The following MINDY4 variants were observed in gnomAD, a reference collection of about 807,000 sequenced individuals.
MINDY4 encodes the protein probable ubiquitin carboxyl-terminal hydrolase MINDY-4.
A neutral mutation model predicts 87.0 loss-of-function variants in MINDY4; 68 were observed. That is an observed-to-expected ratio of 0.78 (90% confidence interval 0.64 to 0.96). The LOEUF (loss-of-function observed/expected upper bound fraction) is 0.96, where lower values mean the gene tolerates loss of function less well. Ranked by LOEUF, MINDY4 falls within the 40% of genes least tolerant of loss-of-function variation. The pLI is 0.00. For missense variants in MINDY4, 919 were observed against 928.2 expected, an observed-to-expected ratio of 0.99 and a Z score of 0.13; for synonymous variants, 379 against 363.2, an observed-to-expected ratio of 1.04 and a Z score of -0.50.
At chr7:30,811,570 A>G (rs1787998977) in intron 5 of MINDY4, among the ~76,000 whole-genome samples, 1 of 152,220 alleles carries the variant, frequency 6.6e-6, no homozygotes, top group African/African-American at 2.4e-5. Flanking sequence ...TCTGCTTCCA[A>G]AGAAAGAAGA....
intron 5 of MINDY4, among the ~76,000 whole-genome samples, chr7:30,827,329 T>C (rs1788543336): frequency 6.6e-6 from 1 of 152,102 alleles, no homozygotes; most frequent in East Asian, 1.9e-4. Context: ...ACAGACGGGA[T>C]AGGCAGGGTA....
In MINDY4 at chr7:30,771,560, A is replaced by AT. The variant is rs1323164911; in HGVS notation, c.63+4_63+5insT. ...CAGGGAGTTCCTCAGCAGAAAGGTA[A>AT]CGGCTCGCCCCCTCCAAAGCCCAGG... is the stretch of plus-strand genomic sequence containing the variant. On this transcript the variant is annotated splice_donor_region_variant and intron_variant, in intron 1 of 17. Transcript: ENST00000265299. The AT allele has an allele frequency of 6.3e-7, 1 of 1,593,164 alleles. No homozygotes were observed. Among genetic ancestry groups the AT allele is most frequent in the South Asian group, 1.1e-5 (1 of 86,992 alleles).
chr7:30,828,297 C>G (rs1221985833), intron 5 of MINDY4, among the ~76,000 whole-genome samples: 1 of 150,984 alleles, frequency 6.6e-6, no homozygotes, highest in East Asian at 2.0e-4. Flanking sequence ...AAATTCTGGG[C>G]AATGATGACA....
Position 30,892,091 on chromosome 7 carries a change from G to T in MINDY4, c.*86G>T. ...GCTGAACCCCAAGCCTCTGGGGCAG[G>T]TCTCATGTACCCCAACCTGGGTCAG... On this transcript the variant is annotated 3_prime_UTR_variant, in exon 18 of 18. Coordinates refer to ENST00000265299, the MANE Select transcript of MINDY4 (RefSeq NM_032222.3). 1 of 1,472,944 alleles carries T rather than the reference G, an allele frequency of 6.8e-7. No individual in the cohort carries two copies. Among genetic ancestry groups the T allele is most frequent in the Non-Finnish European group, 9.5e-7 (1 of 1,052,924 alleles). 91.2% of individuals were successfully genotyped at this position (1,472,944 alleles called of 1,614,324 possible).
chr7:30,777,014 CT>C lies in MINDY4; in HGVS notation c.64-1406del, dbSNP rs200146980. Reference sequence around the variant, plus strand: ...TTCTTCTTTCTTTCTTTTTCTTTTTCTTTTTTTTTTTTAGAGATAGGGTCTC... The same window carrying C: ...TTCTTCTTTCTTTCTTTTTCTTTTTCTTTTTTTTTTTAGAGATAGGGTCTC... On this transcript the variant is annotated intron_variant, in intron 1 of 17. Coordinates refer to ENST00000265299, the MANE Select transcript of MINDY4 (RefSeq NM_032222.3). 7.9e-3 allele frequency among the ~76,000 whole-genome samples: 1,022 copies of C among 128,672 alleles called. 5 individuals carry two copies. The highest frequency in any genetic ancestry group is 0.024 in the African/African-American group (776 of 32,522). 84.4% of individuals were successfully genotyped at this position (128,672 alleles called of 152,430 possible).
intron 13 of MINDY4, among the ~76,000 whole-genome samples, chr7:30,868,716 C>A (rs547352838): frequency 6.6e-6 from 1 of 152,196 alleles, no homozygotes; most frequent in East Asian, 1.9e-4. Flanking sequence ...TCTCAGGGAC[C>A]TTCTGATGGT....
intron 13 of MINDY4, among the ~76,000 whole-genome samples, chr7:30,867,461 C>G (rs2128576942): frequency 6.6e-6 from 1 of 152,260 alleles, no homozygotes; most frequent in South Asian, 2.1e-4. Context: ...TCATTCAGTT[C>G]TCACAGCAGT....
chr7:30,817,198 A>G (rs1441154660), intron 5 of MINDY4, among the ~76,000 whole-genome samples: 1 of 152,098 alleles, frequency 6.6e-6, no homozygotes, highest in Non-Finnish European at 1.5e-5. Context: ...CTGTAACACC[A>G]AAGGTCATGC....
chr7:30,807,193 A>G (rs1016195325), intron 5 of MINDY4, among the ~76,000 whole-genome samples: 1 of 152,152 alleles, frequency 6.6e-6, no homozygotes, highest in Non-Finnish European at 1.5e-5. Context: ...CCATTATTTC[A>G]TGTCCACCTC....
chr7:30,802,400 A>C (rs1787681248), intron 5 of MINDY4, among the ~76,000 whole-genome samples: 1 of 152,086 alleles, frequency 6.6e-6, no homozygotes, highest in African/African-American at 2.4e-5. Flanking sequence ...CCTGGTTAGC[A>C]GAGTTTGGCT....
Position 30,815,626 on chromosome 7 carries a change from A to G in MINDY4, c.1074-13053A>G, listed in dbSNP as rs75798637. ...TACCCCAGGCCAGAGTGGTTACTCA[A>G]TGAATTTGAGTGTGTTCCAGAGACA... is the stretch of plus-strand genomic sequence containing the variant. On this transcript the variant is annotated intron_variant, in intron 5 of 17. Transcript: ENST00000265299. Among the ~76,000 whole-genome samples, 418 of 152,322 alleles carry G rather than the reference A, an allele frequency of 2.7e-3. 3 individuals are homozygous for G. The highest frequency in any genetic ancestry group is 8.6e-3 in the African/African-American group (359 of 41,568).
intron 15 of MINDY4, among the ~76,000 whole-genome samples, chr7:30,877,466 G>A (rs190778280): frequency 6.6e-6 from 1 of 152,176 alleles, no homozygotes; most frequent in South Asian, 2.1e-4. Context: ...CTGCTGTTCT[G>A]TGCTCAGCTG....
chr7:30,828,318 TTGTGTGTGTGTG>T (rs60396175), intron 5 of MINDY4, among the ~76,000 whole-genome samples: 8 of 147,884 alleles, frequency 5.4e-5, no homozygotes, highest in Non-Finnish European at 1.2e-4. Context: ...AGAACTCGAT[TTGTGTGTGTGTG>T]TGTGTGTGTG....
chr7:30,810,053 G>T (rs1459315881), intron 5 of MINDY4, among the ~76,000 whole-genome samples: 2 of 151,598 alleles, frequency 1.3e-5, no homozygotes, highest in East Asian at 3.9e-4. Context: ...GTGCCTGCCT[G>T]TAGTCCCAGC....
chr7:30,800,132 C>T (rs971294480), intron 5 of MINDY4, among the ~76,000 whole-genome samples: 1 of 152,186 alleles, frequency 6.6e-6, no homozygotes, highest in East Asian at 1.9e-4. Context: ...ATTTACCTGT[C>T]TGAGGCAGCT....
chr7:30,797,119 T>C (rs2128169851), intron 5 of MINDY4, among the ~76,000 whole-genome samples: 1 of 152,254 alleles, frequency 6.6e-6, no homozygotes, highest in East Asian at 1.9e-4. Context: ...GATTGGCAAA[T>C]GCAGCAAATC....
At chr7:30,844,327 C>T (rs1371980239) in intron 9 of MINDY4, among the ~76,000 whole-genome samples, 1 of 152,194 alleles carries the variant, frequency 6.6e-6, no homozygotes, top group African/African-American at 2.4e-5. Context: ...CACAGGGAGA[C>T]AAGCTGGGGA....
intron 12 of MINDY4, 96 bp downstream of exon 12, chr7:30,853,555 G>A (rs1374151122): frequency 2.0e-5 from 22 of 1,109,962 alleles, no homozygotes; most frequent in South Asian, 5.3e-5. Context: ...TTCTCCTGTC[G>A]TCCCACCCTG....
At chr7:30,796,512 T>C (rs994805826) in intron 5 of MINDY4, among the ~76,000 whole-genome samples, 1 of 152,218 alleles carries the variant, frequency 6.6e-6, no homozygotes, top group Non-Finnish European at 1.5e-5. Flanking sequence ...GATTTTAAAT[T>C]AAGCATTTTA....
Sources: gnomAD v4.1 joint callset for allele counts (sites outside exome capture counted in the v4.1 genomes callset) on GRCh38, gnomAD v4.1.1 for gene constraint, MANE v1.5 for transcripts, NCBI Gene and HGNC (gene_info 2026-07-23, HGNC 2026-07-21) for gene names.